The following DOK6 variants were observed in gnomAD, a reference collection of about 807,000 sequenced individuals.
The protein encoded by DOK6 is docking protein 6.
DOK6 carries 22 observed loss-of-function variants against 44.0 expected under a neutral mutation model. That is an observed-to-expected ratio of 0.50 (90% CI 0.36 to 0.71). The LOEUF (loss-of-function observed/expected upper bound fraction) is 0.71. Ranked by LOEUF, DOK6 falls within the 30% of genes least tolerant of loss-of-function variation. The pLI is 0.00. For missense variants in DOK6, 340 were observed against 416.4 expected (o/e 0.82, Z 1.60); for synonymous variants, 166 against 145.5 (o/e 1.14, Z -1.01).
At chr18:69,782,790 G>T (rs758933293) in intron 7 of DOK6, among the ~76,000 whole-genome samples, 1 of 152,102 alleles carries the variant, frequency 6.6e-6, no homozygotes, top group Non-Finnish European at 1.5e-5. Flanking sequence ...AAACTTGCAA[G>T]AAAATTCCTA....
intron 3 of DOK6, among the ~76,000 whole-genome samples, chr18:69,600,948 T>G (rs1156557034): frequency 1.3e-5 from 2 of 152,192 alleles, no homozygotes; most frequent in Admixed American, 6.5e-5. Context: ...GAATCCGATA[T>G]TACAGTAGAA....
intron 1 of DOK6, among the ~76,000 whole-genome samples, chr18:69,514,120 A>T (rs1380895441): frequency 6.6e-6 from 1 of 152,096 alleles, no homozygotes; most frequent in Non-Finnish European, 1.5e-5. Context: ...ATTTTCTTGA[A>T]ATTATTTGAT....
intron 1 of DOK6, among the ~76,000 whole-genome samples, chr18:69,562,418 C>A (rs1982857614): frequency 6.6e-6 from 1 of 152,086 alleles, no homozygotes; most frequent in Non-Finnish European, 1.5e-5. Context: ...CAGTACCATG[C>A]TGTTTTGGTT....
intron 1 of DOK6, among the ~76,000 whole-genome samples, chr18:69,423,506 G>A (rs1978553851): frequency 6.6e-6 from 1 of 152,108 alleles, no homozygotes; most frequent in Non-Finnish European, 1.5e-5. Context: ...GACAGTATCA[G>A]GTATTGCTGA....
intron 1 of DOK6, 25 bp downstream of exon 1, chr18:69,401,335 C>A: frequency 6.7e-7 from 1 of 1,493,134 alleles, no homozygotes; most frequent in Non-Finnish European, 8.9e-7. Context: ...CGGCTTGCTC[C>A]TTCCCCGGCG....
chr18:69,774,133 G>GATAGATATATATAT (rs1555670145), intron 7 of DOK6, among the ~76,000 whole-genome samples: 12 of 66,866 alleles, frequency 1.8e-4, no homozygotes, highest in African/African-American at 5.0e-4. Flanking sequence ...ATATATATGA[G>GATAGATATATATAT]ATATATATAT....
intron 7 of DOK6, among the ~76,000 whole-genome samples, chr18:69,772,072 G>T (rs2144766593): frequency 6.6e-6 from 1 of 151,478 alleles, no homozygotes. Flanking sequence ...TCGGGAGGCT[G>T]AGGTGGAGGA....
chr18:69,706,374 G>A (rs143972255), intron 5 of DOK6, among the ~76,000 whole-genome samples: 80 of 152,232 alleles, frequency 5.3e-4, no homozygotes, highest in African/African-American at 1.8e-3. Context: ...ACATTTCAAA[G>A]AGAGGAGGAA....
chr18:69,733,142 T>G (rs1477912302), intron 5 of DOK6, among the ~76,000 whole-genome samples: 1 of 151,888 alleles, frequency 6.6e-6, no homozygotes. Context: ...TGCATTGAGC[T>G]ATGCCTCTGC....
At chr18:69,569,009 A>G (rs561298262) in intron 2 of DOK6, among the ~76,000 whole-genome samples, 10 of 152,118 alleles carry the variant, frequency 6.6e-5, no homozygotes, top group Middle Eastern at 6.8e-3. Context: ...TGCACAATAA[A>G]TGCAATATGC....
chr18:69,798,368 T>C (rs1234214484), intron 7 of DOK6, among the ~76,000 whole-genome samples: 2 of 152,108 alleles, frequency 1.3e-5, no homozygotes, highest in African/African-American at 4.8e-5. Flanking sequence ...ACGATGGTTA[T>C]ACAGGCTAAA....
Position 69,552,469 on chromosome 18 carries a change from C to T in DOK6, c.67-12018C>T, listed in dbSNP as rs113115215. Among the ~76,000 whole-genome samples, 331 of 152,058 alleles carry T rather than the reference C, an allele frequency of 2.2e-3. 1 individual carries two copies. The highest frequency in any genetic ancestry group is 7.5e-3 in the African/African-American group (313 of 41,494). On this transcript the variant is annotated intron_variant, in intron 1 of 7. Coordinates refer to ENST00000382713, the MANE Select transcript of DOK6 (RefSeq NM_152721.6). ...TTTGTAAATGTTTTTCCATAGGAAC[C>T]TGTTTGGAAATATTTAATACATAAA...
In DOK6 at chr18:69,842,382, A is replaced by G. The variant is rs899529115; in HGVS notation, c.*999A>G. 3 of 152,196 alleles carry G rather than the reference A, an allele frequency of 2.0e-5. No individual in the cohort carries two copies. Among genetic ancestry groups the G allele is most frequent in the African/African-American group, 7.2e-5 (3 of 41,442 alleles). 9.4% of individuals were successfully genotyped at this position (152,196 alleles called of 1,614,324 possible). On this transcript the variant is annotated 3_prime_UTR_variant, in exon 8 of 8. Coordinates refer to ENST00000382713, the MANE Select transcript of DOK6 (RefSeq NM_152721.6). Reference sequence around the variant, plus strand: ...GGAGGATTCCATGTGAACGCCGATCAGCTTCCATTTAACCTTGAGAGAAAA... The same window carrying G: ...GGAGGATTCCATGTGAACGCCGATCGGCTTCCATTTAACCTTGAGAGAAAA...
intron 1 of DOK6, among the ~76,000 whole-genome samples, chr18:69,492,138 G>C (rs916603394): frequency 6.6e-6 from 1 of 152,084 alleles, no homozygotes; most frequent in African/African-American, 2.4e-5. Context: ...GATAAACAAC[G>C]CATGTAAAAA....
intron 3 of DOK6, among the ~76,000 whole-genome samples, chr18:69,670,219 G>C (rs1354955892): frequency 1.3e-5 from 2 of 152,120 alleles, no homozygotes; most frequent in African/African-American, 2.4e-5. Flanking sequence ...ACGTCAAAAT[G>C]TTTTTGTAAC....
chr18:69,523,240 C>A (rs976029316), intron 1 of DOK6, among the ~76,000 whole-genome samples: 6 of 151,830 alleles, frequency 4.0e-5, no homozygotes, highest in Non-Finnish European at 7.4e-5. Context: ...ACAGAGTGAA[C>A]AATGGAAGCT....
intron 3 of DOK6, among the ~76,000 whole-genome samples, chr18:69,667,963 A>T (rs1405537058): frequency 6.6e-6 from 1 of 152,194 alleles, no homozygotes; most frequent in African/African-American, 2.4e-5. Context: ...ATAACTAATA[A>T]GAATCTGAGA....
chr18:69,738,984 G>GT lies in DOK6; in HGVS notation c.619_620insT (p.Gly207ValfsTer26). 6.2e-7 allele frequency: 1 copy of GT among 1,614,018 alleles called. No individual in the cohort carries two copies. The highest frequency in any genetic ancestry group is 8.5e-7 in the Non-Finnish European group (1 of 1,179,910). On this transcript the variant is annotated frameshift_variant, in exon 6 of 8. Coordinates refer to ENST00000382713, the MANE Select transcript of DOK6 (RefSeq NM_152721.6). LOFTEE classifies it high-confidence loss of function. ...TCACAGAATGTGTGACACAGGAGAA[G>GT]GACTATTCACTTTTCAAACAAGGGA...
chr18:69,599,310 TATC>T lies in DOK6; in HGVS notation c.175-71_175-69del, dbSNP rs1983818335. The T allele has an allele frequency of 3.9e-6, 4 of 1,018,164 alleles. No individual in the cohort carries two copies. The Admixed American group carries it at 7.4e-5, about 19-fold the overall frequency. The allele number at this position is 1,018,164 out of a possible 1,614,324, so 63.1% of individuals were successfully genotyped here. ...AAATTCATGTAAGACTGTGATAACT[TATC>T]ATTTTGTTTCAGCACTCCAACATAC... On this transcript the variant is annotated intron_variant, in intron 2 of 7. Transcript: ENST00000382713.
Sources: gnomAD v4.1 joint callset for allele counts (sites outside exome capture counted in the v4.1 genomes callset) on GRCh38, gnomAD v4.1.1 for gene constraint, MANE v1.5 for transcripts, NCBI Gene and HGNC (gene_info 2026-07-23, HGNC 2026-07-21) for gene names.